Variants in PI4KA observed in about 807,000 individuals in gnomAD.
The protein encoded by PI4KA is phosphatidylinositol 4-kinase alpha, also known as PI4-kinase alpha.
In PI4KA, 122 loss-of-function variants were observed where a neutral mutation model predicts 271.4. That is an observed-to-expected ratio of 0.45 (90% CI 0.39 to 0.52). PI4KA has a LOEUF of 0.52. PI4KA is among the 20% of genes least tolerant of loss of function. The probability of loss-of-function intolerance (pLI) is 0.00; values close to 1 mark genes in which losing one functional copy is unlikely to be tolerated. For synonymous variants in PI4KA, 1,041 were observed against 1,078.8 expected, an observed-to-expected ratio of 0.96 and a Z score of 0.69; for missense variants, 1,969 against 2,769.1, an observed-to-expected ratio of 0.71 and a Z score of 6.48.
intron 25 of PI4KA, 110 bp from the exon 26 acceptor site, chr22:20,751,865 G>T: frequency 1.1e-6 from 1 of 895,188 alleles, no homozygotes; most frequent in Non-Finnish European, 1.8e-6. Flanking sequence ...CAGGCCAGCT[G>T]AAGGAGGAGG....
chr22:20,726,175 C>T (rs1927323465), intron 42 of PI4KA: 1 of 297,026 alleles, frequency 3.4e-6, no homozygotes, highest in African/African-American at 2.2e-5. Context: ...CTGAAGAGGG[C>T]AGGATTCAGG....
intron 8 of PI4KA, among the ~76,000 whole-genome samples, chr22:20,812,754 C>A (rs1921231034): frequency 1.3e-5 from 2 of 152,150 alleles, no homozygotes; most frequent in Non-Finnish European, 2.9e-5. Context: ...TGGGATTTCA[C>A]CATGTTGGCC....
At chr22:20,751,202 G>A (rs1373260779) in intron 27 of PI4KA, 91 bp downstream of exon 27, 1 of 1,016,532 alleles carries the variant, frequency 9.8e-7, no homozygotes, top group Admixed American at 2.0e-5. Context: ...CTGGGGACTG[G>A]GTGAGCTCAT....
At position 20,805,290 on chromosome 22, in the gene PI4KA, C is replaced by G. The variant is rs144104567; in HGVS notation, c.1169-125G>C. 220 of 655,266 alleles carry G rather than the reference C, an allele frequency of 3.4e-4. No homozygotes were observed. In the East Asian group the frequency reaches 5.7e-3, roughly 17 times the overall value. 40.6% of individuals were successfully genotyped at this position (655,266 alleles called of 1,614,324 possible). On this transcript the variant is annotated intron_variant, in intron 10 of 54. Transcript: ENST00000255882. Reference sequence around the variant, plus strand: ...CAGAAAAGTAGCATTTGCTACTGGCCACTGTGGGTCCTAGAATGCCCACTG... The same window carrying G: ...CAGAAAAGTAGCATTTGCTACTGGCGACTGTGGGTCCTAGAATGCCCACTG...
At chr22:20,852,656 T>G (rs1927131355) in intron 1 of PI4KA, among the ~76,000 whole-genome samples, 1 of 152,110 alleles carries the variant, frequency 6.6e-6, no homozygotes. Context: ...ATCTCTCTCC[T>G]CTCGCTCTAC....
Position 20,762,283 on chromosome 22 carries a change from T to C in PI4KA, c.2709-897A>G, listed in dbSNP as rs143978737. Among the ~76,000 whole-genome samples the C allele has an allele frequency of 1.0e-3, 155 of 152,294 alleles. 2 individuals are homozygous for C. Among genetic ancestry groups the C allele is most frequent in the Middle Eastern group, 3.4e-3 (1 of 292 alleles). On this transcript the variant is annotated intron_variant, in intron 22 of 54. Transcript: ENST00000255882. ...CTCAGGAGGGCAGGCCAGGTGACTT[T>C]CAGCACACGCATTCGAGTGTGCACG... is the stretch of plus-strand genomic sequence containing the variant.
At chr22:20,776,017 A>G (rs1933243041) in intron 19 of PI4KA, among the ~76,000 whole-genome samples, 1 of 152,150 alleles carries the variant, frequency 6.6e-6, no homozygotes, top group African/African-American at 2.4e-5. Context: ...TTGCAGCTAC[A>G]TACATTAGAA....
chr22:20,724,597 CTCTG>C (rs1371506431), intron 42 of PI4KA, among the ~76,000 whole-genome samples: 1 of 152,118 alleles, frequency 6.6e-6, no homozygotes, highest in Non-Finnish European at 1.5e-5. Context: ...CAGAGCGAGA[CTCTG>C]TCTAAAACAA....
intron 1 of PI4KA, among the ~76,000 whole-genome samples, chr22:20,839,118 GA>G (rs1308897947): frequency 6.6e-6 from 1 of 152,178 alleles, no homozygotes; most frequent in Non-Finnish European, 1.5e-5. Flanking sequence ...TTGGGAGGCT[GA>G]GGCAGAAGTA....
intron 19 of PI4KA, chr22:20,786,855 C>A (rs759953828): frequency 1.2e-6 from 2 of 1,613,802 alleles, no homozygotes; most frequent in Admixed American, 1.7e-5. Context: ...CAGAATCTGA[C>A]AACTTTCCTT....
intron 45 of PI4KA, among the ~76,000 whole-genome samples, chr22:20,716,200 G>A (rs575582912): frequency 3.3e-5 from 5 of 152,256 alleles, no homozygotes; most frequent in East Asian, 3.9e-4. Context: ...ACAGGCGCCC[G>A]CCACCACACC....
At chr22:20,761,046 C>T (rs980011956) in intron 23 of PI4KA, among the ~76,000 whole-genome samples, 1 of 152,174 alleles carries the variant, frequency 6.6e-6, no homozygotes, top group African/African-American at 2.4e-5. Context: ...GAGCCCTGGT[C>T]CCTCTAGATG....
In PI4KA at chr22:20,785,358, G is replaced by A. The variant is rs376626063; in HGVS notation, c.2328+7835C>T. Among the ~76,000 whole-genome samples the A allele has an allele frequency of 2.3e-4, 35 of 152,306 alleles. No homozygotes were observed. In the South Asian group the frequency reaches 5.4e-3, roughly 23 times the overall value. On this transcript the variant is annotated intron_variant, in intron 19 of 54. Transcript: ENST00000255882. ...GTGCTGGGATTAACAGGCGTGAGCC[G>A]CTGTGCCTGGCCCATTTGACTTTTA...
chr22:20,791,879 T>C (rs1934668638), intron 19 of PI4KA, among the ~76,000 whole-genome samples: 1 of 152,130 alleles, frequency 6.6e-6, no homozygotes, highest in South Asian at 2.1e-4. Flanking sequence ...GGCGGGTGGA[T>C]CACTTGAGGC....
intron 9 of PI4KA, among the ~76,000 whole-genome samples, chr22:20,808,285 T>G (rs1935781173): frequency 6.9e-6 from 1 of 145,008 alleles, no homozygotes; most frequent in Non-Finnish European, 1.5e-5. Flanking sequence ...AACAAAACTC[T>G]GTCTCAAAAA....
chr22:20,759,116 C>G (rs894038256), intron 23 of PI4KA, among the ~76,000 whole-genome samples: 4 of 152,154 alleles, frequency 2.6e-5, no homozygotes, highest in Non-Finnish European at 4.4e-5. Flanking sequence ...GTGGTGCGAT[C>G]CTGGCTCACT....
chr22:20,836,356 CA>C (rs1195559002), intron 2 of PI4KA, among the ~76,000 whole-genome samples: 1 of 152,128 alleles, frequency 6.6e-6, no homozygotes, highest in Non-Finnish European at 1.5e-5. Flanking sequence ...TAACTAAAAA[CA>C]AAGAACTTTA....
At chr22:20,796,352 C>T (rs747867157) in intron 17 of PI4KA, 38 bp from the exon 18 acceptor site, 2 of 1,591,082 alleles carry the variant, frequency 1.3e-6, no homozygotes, top group South Asian at 2.3e-5. Context: ...CACTGCCAGG[C>T]CCTCAACCGT....
At chr22:20,740,396 A>T (rs1027349730) in intron 32 of PI4KA, among the ~76,000 whole-genome samples, 1 of 151,610 alleles carries the variant, frequency 6.6e-6, no homozygotes, top group African/African-American at 2.4e-5. Flanking sequence ...CAAAAAGGAG[A>T]AGAGAGAGAG....
Sources: allele counts gnomAD v4.1 joint callset (sites outside exome capture counted in the v4.1 genomes callset), GRCh38; gene constraint gnomAD v4.1.1; transcripts MANE v1.5; gene names NCBI Gene and HGNC (gene_info 2026-07-23, HGNC 2026-07-21).